The following CMTM8 variants were observed in gnomAD, a reference collection of about 807,000 sequenced individuals.
CMTM8 encodes CKLF like MARVEL transmembrane domain containing 8, also known as CKLF-like MARVEL transmembrane domain-containing protein 8.
CMTM8 carries 12 observed loss-of-function variants against 18.6 expected under a neutral mutation model. The observed-to-expected ratio is 0.65, with a 90% CI of 0.41 to 1.05. CMTM8 has a LOEUF of 1.05. Ranked by LOEUF, CMTM8 falls within the 50% of genes least tolerant of loss-of-function variation. The pLI is 0.00. For missense variants in CMTM8, 217 were observed against 227.2 expected, an observed-to-expected ratio of 0.95 and a Z score of 0.29; for synonymous variants, 87 against 90.6, an observed-to-expected ratio of 0.96 and a Z score of 0.23.
chr3:32,322,874 C>T (rs1208316349), intron 1 of CMTM8, among the ~76,000 whole-genome samples: 13 of 152,296 alleles, frequency 8.5e-5, no homozygotes, highest in Admixed American at 2.0e-4. Context: ...CAGAGGGGGA[C>T]ATCTTGCATT....
Position 32,259,926 on chromosome 3 carries a change from G to A in CMTM8, c.147+20807G>A, listed in dbSNP as rs776190612. On this transcript the variant is annotated intron_variant, in intron 1 of 3. Coordinates refer to ENST00000307526, the MANE Select transcript of CMTM8 (RefSeq NM_178868.5). ...AACAGCCTGAGGGAGGTGGAGGCCCGCTACACCCTGCAGATAGAGCAGCTC... is the reference window on the plus strand; with the variant it reads ...AACAGCCTGAGGGAGGTGGAGGCCCACTACACCCTGCAGATAGAGCAGCTC... 1,131 of 1,112,176 alleles carry A rather than the reference G, an allele frequency of 1.0e-3. 12 individuals are homozygous for A. Among genetic ancestry groups the A allele is most frequent in the South Asian group, 7.0e-3 (534 of 76,288 alleles). 68.9% of individuals were successfully genotyped at this position (1,112,176 alleles called of 1,614,324 possible).
chr3:32,324,823 C>T (rs1696123837), intron 1 of CMTM8, among the ~76,000 whole-genome samples: 1 of 152,072 alleles, frequency 6.6e-6, no homozygotes, highest in African/African-American at 2.4e-5. Flanking sequence ...AAACAAAGAC[C>T]CAAGGAAATG....
intron 1 of CMTM8, among the ~76,000 whole-genome samples, chr3:32,351,676 C>T (rs536479382): frequency 4.0e-5 from 6 of 151,166 alleles, no homozygotes; most frequent in African/African-American, 1.2e-4. Flanking sequence ...CACACCACTG[C>T]ACTCCAGCCT....
intron 1 of CMTM8, among the ~76,000 whole-genome samples, chr3:32,239,434 A>C (rs968226310): frequency 6.6e-6 from 1 of 151,568 alleles, no homozygotes; most frequent in African/African-American, 2.4e-5. Context: ...GTTTGTGTTG[A>C]GTGTCAGAGA....
At chr3:32,351,913 A>C (rs1222588858) in intron 1 of CMTM8, among the ~76,000 whole-genome samples, 3 of 152,134 alleles carry the variant, frequency 2.0e-5, no homozygotes, top group Admixed American at 6.6e-5. Context: ...GCAGTGGCTC[A>C]CACCTGTAAT....
At chr3:32,269,601 C>T (rs980774854) in intron 1 of CMTM8, among the ~76,000 whole-genome samples, 5 of 152,076 alleles carry the variant, frequency 3.3e-5, no homozygotes, top group African/African-American at 7.2e-5. Context: ...TGGGAGCTGA[C>T]GCTTTTGTTT....
intron 1 of CMTM8, among the ~76,000 whole-genome samples, chr3:32,270,111 A>G (rs1367973523): frequency 1.3e-5 from 2 of 150,522 alleles, no homozygotes; most frequent in Non-Finnish European, 3.0e-5. Flanking sequence ...GTGTGGAGAT[A>G]GGGTCTCACT....
At chr3:32,281,368 G>T (rs1194888924) in intron 1 of CMTM8, among the ~76,000 whole-genome samples, 1 of 152,198 alleles carries the variant, frequency 6.6e-6, no homozygotes, top group African/African-American at 2.4e-5. Flanking sequence ...TCAAGGGGTG[G>T]TGTTGCTTGC....
At chr3:32,239,788 G>A (rs1701921830) in intron 1 of CMTM8, among the ~76,000 whole-genome samples, 1 of 152,200 alleles carries the variant, frequency 6.6e-6, no homozygotes, top group Non-Finnish European at 1.5e-5. Context: ...CTTCATAGCT[G>A]AGAAAGGACT....
chr3:32,344,485 A>G (rs1408130281), intron 1 of CMTM8, among the ~76,000 whole-genome samples: 1 of 152,210 alleles, frequency 6.6e-6, no homozygotes, highest in South Asian at 2.1e-4. Flanking sequence ...ATTTGAATAA[A>G]TGACACTTTT....
chr3:32,279,891 T>C (rs1702580470), intron 1 of CMTM8, among the ~76,000 whole-genome samples: 1 of 148,976 alleles, frequency 6.7e-6, no homozygotes, highest in Non-Finnish European at 1.5e-5. Flanking sequence ...TGAGATGATA[T>C]CTCATAGTGG....
intron 1 of CMTM8, among the ~76,000 whole-genome samples, chr3:32,335,305 G>A (rs1343864693): frequency 7.9e-5 from 12 of 152,176 alleles, no homozygotes; most frequent in Admixed American, 7.2e-4. Flanking sequence ...TCTCTACCTT[G>A]AGCATATTTG....
chr3:32,346,488 G>A (rs1490484603), intron 1 of CMTM8, among the ~76,000 whole-genome samples: 1 of 152,226 alleles, frequency 6.6e-6, no homozygotes, highest in Admixed American at 6.5e-5. Context: ...CCAAGATTAA[G>A]GGGACAGCAG....
chr3:32,267,907 C>T (rs1170889715), intron 1 of CMTM8, among the ~76,000 whole-genome samples: 1 of 152,214 alleles, frequency 6.6e-6, no homozygotes, highest in African/African-American at 2.4e-5. Flanking sequence ...TACCATCTCA[C>T]ACCAGTTAGA....
chr3:32,356,103 G>T (rs1235729770), intron 1 of CMTM8, among the ~76,000 whole-genome samples: 1 of 152,182 alleles, frequency 6.6e-6, no homozygotes, highest in African/African-American at 2.4e-5. Context: ...TGTCCTTGGG[G>T]CCTGATAGCA....
chr3:32,238,321 G>C (rs574271645), upstream of CMTM8: 4 of 152,284 alleles, frequency 2.6e-5, no homozygotes, highest in African/African-American at 7.2e-5. Context: ...CCTCCGCGCC[G>C]AGTCCTGGAG....
chr3:32,274,832 G>A (rs1408690052), intron 1 of CMTM8, among the ~76,000 whole-genome samples: 1 of 152,150 alleles, frequency 6.6e-6, no homozygotes, highest in African/African-American at 2.4e-5. Flanking sequence ...ATCCAAGTGA[G>A]CTGTTTGGGG....
At chr3:32,290,738 T>A (rs1165601738) in intron 1 of CMTM8, among the ~76,000 whole-genome samples, 1 of 152,222 alleles carries the variant, frequency 6.6e-6, no homozygotes, top group Non-Finnish European at 1.5e-5. Context: ...GTGTTTGTGT[T>A]TGCAGTCACA....
chr3:32,291,613 G>C (rs1702780472), intron 1 of CMTM8, among the ~76,000 whole-genome samples: 2 of 152,212 alleles, frequency 1.3e-5, no homozygotes, highest in Non-Finnish European at 2.9e-5. Context: ...TAGGTTGTCA[G>C]TTTAGACTGC....
Sources: gnomAD v4.1 joint callset for allele counts (sites outside exome capture counted in the v4.1 genomes callset) on GRCh38, gnomAD v4.1.1 for gene constraint, MANE v1.5 for transcripts, NCBI Gene and HGNC (gene_info 2026-07-23, HGNC 2026-07-21) for gene names.